Variants in MNAT1 observed in about 807,000 individuals in gnomAD.
MNAT1 encodes the protein MNAT1 component of CDK activating kinase, also known as CDK-activating kinase assembly factor MAT1.
A neutral mutation model predicts 42.0 loss-of-function variants in MNAT1; 43 were observed. That is an observed-to-expected ratio of 1.02 (90% confidence interval 0.80 to 1.32). The LOEUF is 1.32. Ranked by LOEUF, MNAT1 falls within the 40% of genes most tolerant of loss-of-function variation. The probability of loss-of-function intolerance (pLI) is 0.00; values close to 1 mark genes in which losing one functional copy is unlikely to be tolerated. For missense variants in MNAT1, 306 were observed against 350.4 expected (o/e 0.87, Z 1.01); for synonymous variants, 118 against 120.0 (o/e 0.98, Z 0.11).
chr14:60,884,099 C>T (rs2034609373), intron 7 of MNAT1, among the ~76,000 whole-genome samples: 1 of 151,776 alleles, frequency 6.6e-6, no homozygotes, highest in South Asian at 2.1e-4. Flanking sequence ...ACTGCCAGTT[C>T]TGTGTTGAAT....
intron 7 of MNAT1, among the ~76,000 whole-genome samples, chr14:60,920,495 C>CT (rs2139550873): frequency 6.6e-6 from 1 of 152,260 alleles, no homozygotes; most frequent in African/African-American, 2.4e-5. Context: ...TTTCGTCTCA[C>CT]TGCAACCTCT....
chr14:60,779,202 G>A (rs931163242), intron 1 of MNAT1, among the ~76,000 whole-genome samples: 15 of 152,182 alleles, frequency 9.9e-5, no homozygotes, highest in Non-Finnish European at 1.5e-4. Flanking sequence ...CAGGGGATCC[G>A]CTGATATGTC....
intron 1 of MNAT1, among the ~76,000 whole-genome samples, chr14:60,781,005 C>G (rs1056439611): frequency 3.3e-5 from 5 of 152,164 alleles, no homozygotes; most frequent in Non-Finnish European, 7.4e-5. Context: ...TCTAAATATT[C>G]AGAATCTTTG....
chr14:60,883,284 C>G (rs371679603), intron 7 of MNAT1, among the ~76,000 whole-genome samples: 67 of 152,190 alleles, frequency 4.4e-4, no homozygotes, highest in African/African-American at 1.6e-3. Flanking sequence ...TAGTTTCATT[C>G]TTATGCATAT....
rs137888036 is a variant in MNAT1, at chr14:60,927,847, G to A, written c.810-40382G>A. ...GAGTATCTCATGACTGAGGGATACA[G>A]CATTAAATAGCAAATAAAGTACCAT... On this transcript the variant is annotated intron_variant, in intron 7 of 7. Coordinates refer to ENST00000261245, the MANE Select transcript of MNAT1 (RefSeq NM_002431.4). Among the ~76,000 whole-genome samples, 17 of 152,254 alleles carry A rather than the reference G, an allele frequency of 1.1e-4. No individual in the cohort carries two copies. In the East Asian group the frequency reaches 3.3e-3, roughly 29 times the overall value.
intron 7 of MNAT1, among the ~76,000 whole-genome samples, chr14:60,934,837 A>C (rs752884513): frequency 3.9e-5 from 6 of 152,060 alleles, no homozygotes; most frequent in Non-Finnish European, 7.4e-5. Context: ...GTGGAAGGCA[A>C]TTTCTCCCAC....
chr14:60,813,483 A>G (rs1485026526), intron 5 of MNAT1, among the ~76,000 whole-genome samples: 1 of 152,170 alleles, frequency 6.6e-6, no homozygotes, highest in East Asian at 1.9e-4. Flanking sequence ...AAGAGAGAAT[A>G]TCCCAAGAAT....
chr14:60,819,165 A>G (rs2139364835), intron 6 of MNAT1, among the ~76,000 whole-genome samples: 1 of 152,210 alleles, frequency 6.6e-6, no homozygotes, highest in Admixed American at 6.5e-5. Context: ...GCAGATATGA[A>G]ATGGGAAAGC....
At chr14:60,738,180 T>C (rs376668949) in intron 1 of MNAT1, among the ~76,000 whole-genome samples, 12 of 152,078 alleles carry the variant, frequency 7.9e-5, no homozygotes, top group Admixed American at 5.2e-4. Context: ...ATATTATTTT[T>C]TAAAATCTTG....
chr14:60,825,998 A>G (rs1293007315), intron 6 of MNAT1, among the ~76,000 whole-genome samples: 2 of 152,204 alleles, frequency 1.3e-5, no homozygotes, highest in African/African-American at 4.8e-5. Flanking sequence ...GAAAAGACTG[A>G]ATTTATTTGT....
intron 1 of MNAT1, among the ~76,000 whole-genome samples, chr14:60,789,681 A>C (rs1293024656): frequency 6.6e-6 from 1 of 152,146 alleles, no homozygotes; most frequent in East Asian, 1.9e-4. Flanking sequence ...TTGAGCCTCT[A>C]ATGTCTTAAA....
At chr14:60,937,464 C>A (rs1352539681) in intron 7 of MNAT1, among the ~76,000 whole-genome samples, 2 of 152,160 alleles carry the variant, frequency 1.3e-5, no homozygotes, top group Non-Finnish European at 2.9e-5. Context: ...GTTTTCTCAG[C>A]ACCATTTGTT....
chr14:60,742,094 T>G (rs1186686160), intron 1 of MNAT1, among the ~76,000 whole-genome samples: 2 of 152,070 alleles, frequency 1.3e-5, no homozygotes, highest in Non-Finnish European at 2.9e-5. Context: ...TTTTATTTTT[T>G]TTTAAATAAG....
intron 6 of MNAT1, among the ~76,000 whole-genome samples, chr14:60,870,360 C>T (rs1404267660): frequency 6.6e-6 from 1 of 152,092 alleles, no homozygotes; most frequent in Non-Finnish European, 1.5e-5. Flanking sequence ...CCTAAAGTTG[C>T]ATGGTTTTCT....
intron 6 of MNAT1, among the ~76,000 whole-genome samples, chr14:60,827,632 A>G (rs1175507852): frequency 6.6e-6 from 1 of 152,236 alleles, no homozygotes; most frequent in Non-Finnish European, 1.5e-5. Context: ...TTATTAATTT[A>G]TTCTATTTTT....
intron 7 of MNAT1, among the ~76,000 whole-genome samples, chr14:60,891,055 G>T (rs1042863705): frequency 6.6e-6 from 1 of 152,094 alleles, no homozygotes; most frequent in Non-Finnish European, 1.5e-5. Flanking sequence ...TTTCATCTAG[G>T]TTACCCAGTT....
At chr14:60,907,577 TC>T (rs1160677986) in intron 7 of MNAT1, among the ~76,000 whole-genome samples, 1 of 151,550 alleles carries the variant, frequency 6.6e-6, no homozygotes, top group African/African-American at 2.4e-5. Flanking sequence ...GGTCGGGAGT[TC>T]AAGACCAGCC....
At chr14:60,785,427 G>A (rs2031616919) in intron 1 of MNAT1, among the ~76,000 whole-genome samples, 1 of 152,108 alleles carries the variant, frequency 6.6e-6, no homozygotes, top group African/African-American at 2.4e-5. Context: ...GTGTTTATTA[G>A]GGATTTAAAT....
At chr14:60,933,957 A>G (rs933335856) in intron 7 of MNAT1, among the ~76,000 whole-genome samples, 2 of 152,190 alleles carry the variant, frequency 1.3e-5, no homozygotes, top group East Asian at 3.8e-4. Context: ...TTTTCTTGGG[A>G]ATGAGAAATA....
Sources: allele counts gnomAD v4.1 joint callset (sites outside exome capture counted in the v4.1 genomes callset), GRCh38; gene constraint gnomAD v4.1.1; transcripts MANE v1.5; gene names NCBI Gene and HGNC (gene_info 2026-07-23, HGNC 2026-07-21).